KLF12: variants seen among roughly 807,000 people sequenced by gnomAD.
The protein encoded by KLF12 is KLF transcription factor 12, also known as Krueppel-like factor 12.
In KLF12, 9 loss-of-function variants were observed where a neutral mutation model predicts 37.8. The observed-to-expected ratio is 0.24, with a 90% CI of 0.14 to 0.42. The LOEUF (loss-of-function observed/expected upper bound fraction) is 0.42. KLF12 is among the 10% of genes least tolerant of loss of function. The pLI, the probability that KLF12 is intolerant of heterozygous loss-of-function variation, is 1.00. For synonymous variants in KLF12, 208 were observed against 202.1 expected (o/e 1.03, Z -0.25); for missense variants, 411 against 516.0 (o/e 0.80, Z 1.97).
chr13:74,250,882 C>T, the KLF12 span, among the ~76,000 whole-genome samples: 4 of 152,146 alleles, frequency 2.6e-5, no homozygotes, highest in Non-Finnish European at 5.9e-5. Flanking sequence ...AACATGCCAA[C>T]ATTCAAAGAA....
the KLF12 span, among the ~76,000 whole-genome samples, chr13:74,294,152 C>A: frequency 2.6e-5 from 4 of 152,174 alleles, no homozygotes; most frequent in Non-Finnish European, 1.5e-5. Context: ...GGTCTGTGAA[C>A]CACACTTTGA....
chr13:73,910,582 G>A (rs971952843), intron 3 of KLF12, among the ~76,000 whole-genome samples: 3 of 152,128 alleles, frequency 2.0e-5, no homozygotes, highest in African/African-American at 7.2e-5. Flanking sequence ...AAGAGGGGTA[G>A]GAGAGAGAGA....
upstream of KLF12, among the ~76,000 whole-genome samples, chr13:74,137,751 TA>T (rs1200741177): frequency 6.6e-6 from 1 of 152,068 alleles, no homozygotes; most frequent in African/African-American, 2.4e-5. Context: ...TTTTATTTTT[TA>T]TTTTATTTAT....
chr13:74,239,821 T>A, the KLF12 span, among the ~76,000 whole-genome samples: 2 of 152,092 alleles, frequency 1.3e-5, no homozygotes, highest in African/African-American at 4.8e-5. Context: ...TCCTTTTATT[T>A]TGAGCCTATG....
intron 1 of KLF12, among the ~76,000 whole-genome samples, chr13:74,036,761 T>C (rs541871654): frequency 1.3e-5 from 2 of 152,226 alleles, no homozygotes; most frequent in South Asian, 4.2e-4. Context: ...TCCAGCACAA[T>C]GAAATGTGAA....
At chr13:73,751,839 T>C (rs1295546912) in intron 6 of KLF12, among the ~76,000 whole-genome samples, 1 of 151,904 alleles carries the variant, frequency 6.6e-6, no homozygotes, top group Non-Finnish European at 1.5e-5. Flanking sequence ...CTACTGGGGG[T>C]AAGTGGCATC....
the KLF12 span, among the ~76,000 whole-genome samples, chr13:74,284,007 A>C: frequency 6.6e-6 from 1 of 151,300 alleles, no homozygotes; most frequent in Non-Finnish European, 1.5e-5. Context: ...ACAGGCACCC[A>C]CCTCCATGCC....
chr13:73,796,626 GAA>G (rs1881991363), intron 5 of KLF12, among the ~76,000 whole-genome samples: 1 of 151,644 alleles, frequency 6.6e-6, no homozygotes, highest in Non-Finnish European at 1.5e-5. Context: ...CTGTTCCTGT[GAA>G]TTGAACAAAT....
chr13:73,979,237 T>C (rs185223252), intron 2 of KLF12, among the ~76,000 whole-genome samples: 167 of 152,282 alleles, frequency 1.1e-3, no homozygotes, highest in African/African-American at 3.9e-3. Flanking sequence ...GTGGGGTATG[T>C]TGATAATGGG....
At chr13:73,735,031 T>A (rs1877347923) in intron 6 of KLF12, among the ~76,000 whole-genome samples, 1 of 151,290 alleles carries the variant, frequency 6.6e-6, no homozygotes, top group Admixed American at 6.6e-5. Context: ...CTTACACCTG[T>A]AATCTCAGCA....
chr13:73,825,832 T>C (rs920472703), intron 4 of KLF12, among the ~76,000 whole-genome samples: 2 of 152,194 alleles, frequency 1.3e-5, no homozygotes, highest in African/African-American at 4.8e-5. Context: ...CTGCTGTCCC[T>C]GAGGCTAGCT....
At chr13:74,249,926 G>T in the KLF12 span, among the ~76,000 whole-genome samples, 1 of 152,166 alleles carries the variant, frequency 6.6e-6, no homozygotes, top group Non-Finnish European at 1.5e-5. Context: ...TTGATTTCAA[G>T]TTCTCTCTTT....
intron 1 of KLF12, among the ~76,000 whole-genome samples, chr13:74,090,605 G>A (rs898224523): frequency 4.6e-5 from 7 of 151,888 alleles, no homozygotes; most frequent in Non-Finnish European, 1.0e-4. Context: ...GACTAATGAT[G>A]ATGAACAATT....
rs777879429 is a variant in KLF12, at chr13:73,944,001, G to A, written c.103C>T (p.Leu35Phe). 6.2e-7 allele frequency: 1 copy of A among 1,611,722 alleles called. No individual in the cohort carries two copies. Among genetic ancestry groups the A allele is most frequent in the East Asian group, 2.2e-5 (1 of 44,836 alleles). The stretch of plus-strand genomic sequence containing the variant: ...CTTACCCCTTGTTCAGATTCCAAAA[G>A]CTCTGTTTTGACTCTGACTGCCGGC... Residue 35 changes from leucine to phenylalanine, a missense_variant, in exon 3 of 8, where the codon CTT (leucine) becomes TTT (phenylalanine). By Grantham distance (22) the Leu-to-Phe change is conservative. This residue lies in a region of KLF12 where 351 missense variants were observed against 397.8 expected (regional missense o/e 0.88). Coordinates refer to ENST00000377669, the MANE Select transcript of KLF12 (RefSeq NM_007249.5).
At chr13:73,998,644 G>A (rs1483525746) in intron 1 of KLF12, among the ~76,000 whole-genome samples, 2 of 152,182 alleles carry the variant, frequency 1.3e-5, no homozygotes, top group East Asian at 1.9e-4. Context: ...GCCAACTAGG[G>A]AAGTTGACAG....
At chr13:74,136,424 CTT>C (rs1878557279), upstream of KLF12, among the ~76,000 whole-genome samples, 1 of 152,198 alleles carries the variant, frequency 6.6e-6, no homozygotes, top group African/African-American at 2.4e-5. Flanking sequence ...CAACGAGAAA[CTT>C]GCCTCTACTA....
the KLF12 span, among the ~76,000 whole-genome samples, chr13:74,159,497 T>C: frequency 2.6e-5 from 4 of 152,210 alleles, no homozygotes; most frequent in African/African-American, 7.2e-5. Context: ...TGTTGTCCCA[T>C]GCTAAAGAAG....
intron 3 of KLF12, among the ~76,000 whole-genome samples, chr13:73,941,449 T>C (rs1161953177): frequency 1.3e-5 from 2 of 152,226 alleles, no homozygotes; most frequent in African/African-American, 4.8e-5. Context: ...TAATTATTTA[T>C]TGAAATTTCA....
At position 74,102,799 on chromosome 13, in the gene KLF12, C is replaced by T. The variant is rs533291179; in HGVS notation, c.-32+30940G>A. 1.6e-4 allele frequency among the ~76,000 whole-genome samples: 24 copies of T among 152,252 alleles called. No homozygotes were observed. In the South Asian group the frequency reaches 2.7e-3, roughly 17 times the overall value. On this transcript the variant is annotated intron_variant, in intron 1 of 7. Transcript: ENST00000377669. ...CTGTGGAGGACATGACAGGGAATGACTGAGGAAATGTTCCAGATTGGTGAG... is the reference window on the plus strand; with the variant it reads ...CTGTGGAGGACATGACAGGGAATGATTGAGGAAATGTTCCAGATTGGTGAG...
Sources: gnomAD v4.1 joint callset for allele counts (sites outside exome capture counted in the v4.1 genomes callset) on GRCh38, gnomAD v4.1.1 for gene constraint, gnomAD v4.1.1 regional missense constraint, MANE v1.5 for transcripts, NCBI Gene and HGNC (gene_info 2026-07-23, HGNC 2026-07-21) for gene names.